The following IGHMBP2 variants were observed in gnomAD, a reference collection of about 807,000 sequenced individuals.
IGHMBP2 encodes immunoglobulin mu DNA binding protein 2.
Under a neutral mutation model 96.0 loss-of-function variants are expected in IGHMBP2, and 81 were observed. The ratio of observed to expected loss-of-function variants is 0.84; its 90% CI spans 0.71 to 1.01. The LOEUF is 1.01. Among genes scored for constraint, IGHMBP2 ranks in the 50% least tolerant of loss-of-function variants. IGHMBP2 has a pLI of 0.00. For missense variants in IGHMBP2, 1,227 were observed against 1,306.3 expected, an observed-to-expected ratio of 0.94 and a Z score of 0.94; for synonymous variants, 557 against 548.9, an observed-to-expected ratio of 1.01 and a Z score of -0.21.
intron 7 of IGHMBP2, among the ~76,000 whole-genome samples, chr11:68,927,532 G>C (rs753072902): frequency 6.6e-6 from 1 of 152,212 alleles, no homozygotes; most frequent in Admixed American, 6.5e-5. Context: ...CCTGAGCCCT[G>C]TACATGTGTG....
At chr11:68,928,609 G>A (rs1859156957) in intron 7 of IGHMBP2, among the ~76,000 whole-genome samples, 1 of 152,218 alleles carries the variant, frequency 6.6e-6, no homozygotes, top group Non-Finnish European at 1.5e-5. Context: ...GTTTGTGGGT[G>A]AGGAAACAGG....
At chr11:68,905,795 C>G (rs1422516770) in intron 1 of IGHMBP2, among the ~76,000 whole-genome samples, 1 of 151,914 alleles carries the variant, frequency 6.6e-6, no homozygotes, top group South Asian at 2.1e-4. Flanking sequence ...ATGGGAGGGG[C>G]CTGATAGGAC....
At chr11:68,908,411 G>T in intron 3 of IGHMBP2, 74 bp downstream of exon 3, 2 of 1,501,098 alleles carry the variant, frequency 1.3e-6, no homozygotes, top group Non-Finnish European at 1.9e-6. Flanking sequence ...CATGCCTGTC[G>T]CACAAAAGAG....
rs1483813825 is a variant in IGHMBP2, at chr11:68,936,286, C to T, written c.1806C>T (p.Thr602=). The T allele has an allele frequency of 1.2e-6, 2 of 1,614,172 alleles. No homozygotes were observed. Among genetic ancestry groups the T allele is most frequent in the East Asian group, 2.2e-5 (1 of 44,880 alleles). Residue 602 remains threonine, a synonymous_variant, in exon 13 of 15, where the codon ACC becomes ACT. Transcript: ENST00000255078. ...ACCGGAGGATCAACGTGGCTGTCAC[C>T]CGTGCCCGACGCCACGTGGCGGTCA... ...AEDRRINVAV[T]RARRHVAVIC... is the part of the protein sequence containing the mutation.
chr11:68,931,772 G>C (rs545224420), intron 8 of IGHMBP2, among the ~76,000 whole-genome samples: 174 of 152,346 alleles, frequency 1.1e-3, no homozygotes, highest in African/African-American at 4.1e-3. Flanking sequence ...AGGTTCTCGA[G>C]ATGTCCTTAA....
chr11:68,904,018 C>T lies in IGHMBP2; in HGVS notation c.66C>T (p.Asp22=). The stretch of plus-strand genomic sequence containing the variant: ...TGGACCTGCTGGAGCTTGAGAGAGA[C>T]GCGGAGGTGGAGGAGCGCAGGTACG... ...KQLDLLELER[D]AEVEERRSWQ... is the part of the protein sequence containing the mutation. Residue 22 remains aspartate, a synonymous_variant, in exon 1 of 15, where the codon GAC becomes GAT. Coordinates refer to ENST00000255078, the MANE Select transcript of IGHMBP2 (RefSeq NM_002180.3). 1 of 1,549,878 alleles carries T rather than the reference C, an allele frequency of 6.5e-7. No homozygotes were observed. The highest frequency in any genetic ancestry group is 1.4e-5 in the African/African-American group (1 of 73,144).
At chr11:68,933,157 C>G in intron 8 of IGHMBP2, 142 bp from the exon 9 acceptor site, 1 of 835,706 alleles carries the variant, frequency 1.2e-6, no homozygotes, top group Non-Finnish European at 1.9e-6. Context: ...TCAGCCAAAC[C>G]CGCCCCTTGG....
chr11:68,908,569 C>T lies in IGHMBP2; in HGVS notation c.485C>T (p.Pro162Leu), dbSNP rs756164122. ...LIALKKYHSG[P>L]ASSLIEVLFG... Reference sequence around the variant, plus strand: ...GCTCTAAAGAAGTATCATTCTGGCCCAGCCTCCTCACTCATAGAAGTGCTC... The same window carrying T: ...GCTCTAAAGAAGTATCATTCTGGCCTAGCCTCCTCACTCATAGAAGTGCTC... The change falls in exon 4 of 15, where the codon CCA becomes CTA. Residue 162 changes from proline to leucine, a missense_variant. Pro to Leu is a moderately conservative substitution (Grantham distance 98, BLOSUM62 -3). Around this residue, in one of 3 missense-constraint regions of IGHMBP2, gnomAD observed 507 missense variants for 496.9 expected, o/e 1.02. Transcript: ENST00000255078. 6.2e-7 allele frequency: 1 copy of T among 1,614,034 alleles called. No individual in the cohort carries two copies. The highest frequency in any genetic ancestry group is 1.7e-5 in the Admixed American group (1 of 60,022).
chr11:68,908,092 T>C, intron 2 of IGHMBP2, 53 bp from the exon 3 acceptor site: 1 of 1,370,398 alleles, frequency 7.3e-7, no homozygotes, highest in Non-Finnish European at 1.0e-6. Context: ...TTACAGAAAA[T>C]GATATTGAAG....
At chr11:68,909,886 C>T (rs975008704) in intron 4 of IGHMBP2, among the ~76,000 whole-genome samples, 42 of 152,188 alleles carry the variant, frequency 2.8e-4, no homozygotes, top group Non-Finnish European at 2.6e-4. Flanking sequence ...CCTGCCTCGG[C>T]CTCCCAAAGT....
In IGHMBP2 at chr11:68,937,349, G is replaced by C. The variant is rs115820846; in HGVS notation, c.2611+258G>C. On this transcript the variant is annotated intron_variant, in intron 13 of 14. Coordinates refer to ENST00000255078, the MANE Select transcript of IGHMBP2 (RefSeq NM_002180.3). ...AGTAGGCAGCACTCAGAGCATGTCT[G>C]CAGCAGCAGGAGGGGCCTGGAAGAG... is the stretch of plus-strand genomic sequence containing the variant. 3.8e-3 allele frequency among the ~76,000 whole-genome samples: 579 copies of C among 152,364 alleles called. 1 individual carries two copies. The highest frequency in any genetic ancestry group is 0.013 in the African/African-American group (548 of 41,594).
chr11:68,930,281 T>A, intron 8 of IGHMBP2: 1 of 1,285,516 alleles, frequency 7.8e-7, no homozygotes, highest in Non-Finnish European at 1.0e-6. Context: ...CAGATTTCGG[T>A]TGCCTTTTGA....
intron 6 of IGHMBP2, 136 bp from the exon 7 acceptor site, chr11:68,917,600 C>G (rs1308252611): frequency 2.7e-6 from 2 of 745,448 alleles, no homozygotes; most frequent in African/African-American, 1.7e-5. Context: ...ATCTGTGTCT[C>G]TTTCAAGGAA....
chr11:68,932,127 T>G (rs1405839490), intron 8 of IGHMBP2, among the ~76,000 whole-genome samples: 1 of 146,214 alleles, frequency 6.8e-6, no homozygotes, highest in Non-Finnish European at 1.5e-5. Flanking sequence ...GGGAAGACGT[T>G]GGGTGGCATT....
At chr11:68,910,834 G>T (rs564817251) in intron 4 of IGHMBP2, among the ~76,000 whole-genome samples, 77 of 145,448 alleles carry the variant, frequency 5.3e-4, no homozygotes, top group African/African-American at 1.8e-3. Flanking sequence ...AGTGAGCTGA[G>T]ATCATGCCAT....
chr11:68,924,692 G>A (rs920537727), intron 7 of IGHMBP2, among the ~76,000 whole-genome samples: 1 of 152,180 alleles, frequency 6.6e-6, no homozygotes, highest in African/African-American at 2.4e-5. Context: ...AGCACAATGG[G>A]TTATCGTCTT....
At chr11:68,913,688 G>T (rs556665402) in intron 5 of IGHMBP2, among the ~76,000 whole-genome samples, 3 of 152,240 alleles carry the variant, frequency 2.0e-5, no homozygotes, top group South Asian at 2.1e-4. Flanking sequence ...GGAGGCCAAG[G>T]GGGGAGGATC....
chr11:68,934,466 G>C lies in IGHMBP2; in HGVS notation c.1540G>C (p.Glu514Gln). 1 of 1,606,810 alleles carries C rather than the reference G, an allele frequency of 6.2e-7. No individual in the cohort carries two copies. Among genetic ancestry groups the C allele is most frequent in the Non-Finnish European group, 8.5e-7 (1 of 1,176,294 alleles). The stretch of plus-strand genomic sequence containing the variant: ...ACCCGTTCTTTCTTTCCCTCCAGGC[G>C]AAGTCCGCCTCGTCAGTTTGCACAT... The part of the protein sequence containing the change: ...EDEQSKGNPG[E>Q]VRLVSLHIQA... The change falls in exon 11 of 15, where the codon GAA (glutamate) becomes CAA (glutamine). Residue 514 changes from glutamate to glutamine, a missense_variant and splice_region_variant. By Grantham distance (29) the Glu-to-Gln change is conservative (BLOSUM62 2). Coordinates refer to ENST00000255078, the MANE Select transcript of IGHMBP2 (RefSeq NM_002180.3).
At chr11:68,913,075 A>G (rs1259255481) in intron 5 of IGHMBP2, among the ~76,000 whole-genome samples, 1 of 151,476 alleles carries the variant, frequency 6.6e-6, no homozygotes, top group African/African-American at 2.4e-5. Context: ...AAAACCAAAA[A>G]AACCACGAGG....
Sources: allele counts gnomAD v4.1 joint callset (sites outside exome capture counted in the v4.1 genomes callset), GRCh38; gene constraint gnomAD v4.1.1; regional missense constraint gnomAD v4.1.1; transcripts MANE v1.5; gene names NCBI Gene and HGNC (gene_info 2026-07-23, HGNC 2026-07-21).